ZNG1C: variants seen among roughly 807,000 people sequenced by gnomAD.
The protein encoded by ZNG1C is Zn regulated GTPase metalloprotein activator 1C, also known as zinc-regulated GTPase metalloprotein activator 1C.
chr9:68,255,935 TATTTG>T, the ZNG1C span, among the ~76,000 whole-genome samples: 1 of 151,734 alleles, frequency 6.6e-6, no homozygotes, highest in Non-Finnish European at 1.5e-5. Context: ...TCACAAATCC[TATTTG>T]AGTCAAATTG....
At chr9:68,266,760 CG>C in the ZNG1C span, among the ~76,000 whole-genome samples, 4 of 150,086 alleles carry the variant, frequency 2.7e-5, no homozygotes, top group African/African-American at 5.0e-5. Flanking sequence ...TGTCTCTCCC[CG>C]CTTCCTATGT....
At chr9:68,299,295 G>C in the ZNG1C span, 1 of 1,071,830 alleles carries the variant, frequency 9.3e-7, no homozygotes. Flanking sequence ...TAGAAAAGTG[G>C]TTAATCCAAG....
At chr9:68,248,864 A>T in the ZNG1C span, 1 of 476,676 alleles carries the variant, frequency 2.1e-6, no homozygotes, top group Non-Finnish European at 3.7e-6. Context: ...ATTTGATGAC[A>T]TACTGTTAGA....
chr9:68,267,151 C>G, the ZNG1C span, among the ~76,000 whole-genome samples: 1 of 152,372 alleles, frequency 6.6e-6, no homozygotes, highest in East Asian at 1.9e-4. Flanking sequence ...CGTGATGGCT[C>G]AAAATTACTA....
chr9:68,247,505 T>C, the ZNG1C span: 9,017 of 1,594,610 alleles, frequency 5.7e-3, 120 homozygotes, highest in South Asian at 0.045. Flanking sequence ...ATATAAGTTA[T>C]AAAATGCAGT....
the ZNG1C span, among the ~76,000 whole-genome samples, chr9:68,265,050 T>C: frequency 2.9e-5 from 3 of 104,836 alleles, no homozygotes; most frequent in Non-Finnish European, 6.1e-5. Context: ...TTTATTTATT[T>C]TATTTTATTT....
At chr9:68,245,583 G>GA in the ZNG1C span, among the ~76,000 whole-genome samples, 4 of 70,822 alleles carry the variant, frequency 5.6e-5, no homozygotes, top group African/African-American at 2.0e-4. Flanking sequence ...CTAGACATAT[G>GA]AAAAAACGTT....
chr9:68,274,381 G>C, the ZNG1C span: 1 of 165,570 alleles, frequency 6.0e-6, no homozygotes, highest in Non-Finnish European at 1.3e-5. Context: ...CATTCTGAAT[G>C]AATGAAATCA....
At chr9:68,264,821 T>TTATATATATATATATATATA in the ZNG1C span, among the ~76,000 whole-genome samples, 1 of 24,936 alleles carries the variant, frequency 4.0e-5, no homozygotes, top group African/African-American at 1.5e-4. Context: ...GGATTGAAGA[T>TTATATATATATATATATATA]TATATATATA....
chr9:68,271,763 G>A, the ZNG1C span, among the ~76,000 whole-genome samples: 1 of 150,894 alleles, frequency 6.6e-6, no homozygotes, highest in East Asian at 1.9e-4. Flanking sequence ...ATGATACATA[G>A]TTTGGATTTT....
the ZNG1C span, among the ~76,000 whole-genome samples, chr9:68,291,889 A>G: frequency 7.0e-6 from 1 of 142,646 alleles, no homozygotes; most frequent in Non-Finnish European, 1.5e-5. Flanking sequence ...AAAATAGTAC[A>G]TTAAACCAGC....
the ZNG1C span, chr9:68,273,312 A>T: frequency 3.0e-4 from 2 of 6,628 alleles, no homozygotes; most frequent in Non-Finnish European, 2.7e-3. Flanking sequence ...TAGCGGGGGG[A>T]GGGGTGGGGG....
At chr9:68,267,327 T>C in the ZNG1C span, among the ~76,000 whole-genome samples, 1 of 146,142 alleles carries the variant, frequency 6.8e-6, no homozygotes, top group African/African-American at 2.6e-5. Context: ...ACATATTTCA[T>C]CTTATTTTAA....
the ZNG1C span, chr9:68,247,666 G>T: frequency 7.7e-7 from 1 of 1,298,722 alleles, no homozygotes; most frequent in Admixed American, 2.2e-5. Context: ...GCTCTATGAA[G>T]AGTGGCTGGA....
chr9:68,285,852 A>G, the ZNG1C span: 1 of 579,648 alleles, frequency 1.7e-6, no homozygotes, highest in Non-Finnish European at 3.1e-6. Flanking sequence ...TTTGCGAACA[A>G]CTTGTAAAAT....
the ZNG1C span, chr9:68,247,470 A>G: frequency 1.9e-6 from 3 of 1,544,518 alleles, no homozygotes; most frequent in Non-Finnish European, 2.6e-6. Context: ...TTTAGGTATC[A>G]AGGCTGCATG....
At chr9:68,273,913 C>G in the ZNG1C span, 1 of 127,956 alleles carries the variant, frequency 7.8e-6, no homozygotes, top group East Asian at 2.2e-4. Context: ...AATCTCGGCT[C>G]ACTGCAACCT....
At chr9:68,264,851 A>G in the ZNG1C span, among the ~76,000 whole-genome samples, 96 of 84,424 alleles carry the variant, frequency 1.1e-3, 3 homozygotes, top group African/African-American at 4.2e-3. Flanking sequence ...ATATATATAT[A>G]TATATGTATA....
the ZNG1C span, chr9:68,253,596 TTTGA>T: frequency 7.0e-6 from 1 of 142,338 alleles, no homozygotes; most frequent in African/African-American, 2.6e-5. Flanking sequence ...TCTCCTAGTG[TTTGA>T]TTGGCTGGAT....
Sources: allele counts gnomAD v4.1 joint callset (sites outside exome capture counted in the v4.1 genomes callset), GRCh38; gene constraint gnomAD v4.1.1; transcripts MANE v1.5; gene names NCBI Gene and HGNC (gene_info 2026-07-23, HGNC 2026-07-21).